The following CTXND1 variants were observed in gnomAD, a reference collection of about 807,000 sequenced individuals.
CTXND1 encodes the protein cortexin domain containing 1, also known as cortexin domain-containing 1 protein.
At chr15:80,247,484 T>A (rs1418243590) in intron 1 of CTXND1, among the ~76,000 whole-genome samples, 1 of 151,858 alleles carries the variant, frequency 6.6e-6, no homozygotes, top group Non-Finnish European at 1.5e-5. Flanking sequence ...TTGCAGGGGT[T>A]GGGTGCTCCT....
At chr15:80,218,688 C>G (rs914492573) in intron 1 of CTXND1, among the ~76,000 whole-genome samples, 4 of 151,802 alleles carry the variant, frequency 2.6e-5, no homozygotes, top group African/African-American at 9.7e-5. Context: ...GAGAGAGTGT[C>G]TGTATATCTA....
intron 1 of CTXND1, among the ~76,000 whole-genome samples, chr15:80,228,539 A>G (rs1893396057): frequency 6.6e-6 from 1 of 152,130 alleles, no homozygotes; most frequent in African/African-American, 2.4e-5. Flanking sequence ...AAAGGGAGCT[A>G]CTGGCCCCAT....
intron 1 of CTXND1, among the ~76,000 whole-genome samples, chr15:80,233,241 T>C (rs1893452877): frequency 6.6e-6 from 1 of 152,174 alleles, no homozygotes; most frequent in African/African-American, 2.4e-5. Flanking sequence ...GCCTGGCCAA[T>C]GCAACTTCTT....
chr15:80,215,421 C>A (rs2142127098), intron 1 of CTXND1, among the ~76,000 whole-genome samples: 1 of 152,288 alleles, frequency 6.6e-6, no homozygotes, highest in East Asian at 1.9e-4. Context: ...TTATTTATGA[C>A]CAAAGAGCCG....
At chr15:80,210,549 T>C (rs1270596863) in intron 1 of CTXND1, among the ~76,000 whole-genome samples, 1 of 152,202 alleles carries the variant, frequency 6.6e-6, no homozygotes, top group Non-Finnish European at 1.5e-5. Context: ...CTGTATTTAA[T>C]GAAATGATGA....
intron 1 of CTXND1, among the ~76,000 whole-genome samples, chr15:80,215,638 G>A (rs1893245182): frequency 6.6e-6 from 1 of 152,088 alleles, no homozygotes; most frequent in Non-Finnish European, 1.5e-5. Flanking sequence ...TAGATTTGTT[G>A]TCTCATATAG....
intron 1 of CTXND1, among the ~76,000 whole-genome samples, chr15:80,220,512 T>TA (rs1328909590): frequency 6.6e-6 from 1 of 152,262 alleles, no homozygotes; most frequent in Non-Finnish European, 1.5e-5. Flanking sequence ...TTGTAGTTTT[T>TA]ATTCCAGAGT....
chr15:80,228,239 C>A (rs1356951660), intron 1 of CTXND1, among the ~76,000 whole-genome samples: 2 of 152,204 alleles, frequency 1.3e-5, no homozygotes, highest in East Asian at 3.8e-4. Flanking sequence ...TCCTCAAAGT[C>A]ATCCATGAGG....
intron 1 of CTXND1, among the ~76,000 whole-genome samples, chr15:80,234,473 G>T (rs541567823): frequency 7.7e-6 from 1 of 129,414 alleles, no homozygotes; most frequent in East Asian, 2.4e-4. Flanking sequence ...ATTTGAACAT[G>T]CCCTTTTTTT....
chr15:80,230,458 G>A (rs1595908278), intron 1 of CTXND1, among the ~76,000 whole-genome samples: 1 of 152,132 alleles, frequency 6.6e-6, no homozygotes, highest in South Asian at 2.1e-4. Flanking sequence ...TTTCTCATTT[G>A]CTTCATCAGT....
At chr15:80,215,350 G>A (rs148636250) in intron 1 of CTXND1, among the ~76,000 whole-genome samples, 99 of 152,310 alleles carry the variant, frequency 6.5e-4, no homozygotes, top group Non-Finnish European at 1.1e-3. Context: ...CCATTGAACA[G>A]CTCAAACTCC....
At chr15:80,243,714 C>G (rs1316217060) in intron 1 of CTXND1, among the ~76,000 whole-genome samples, 1 of 152,196 alleles carries the variant, frequency 6.6e-6, no homozygotes, top group African/African-American at 2.4e-5. Context: ...ATGAGGCAGA[C>G]AGAGTGTGCA....
intron 1 of CTXND1, among the ~76,000 whole-genome samples, chr15:80,204,199 T>TATATATATAC (rs1267164168): frequency 2.4e-3 from 65 of 26,750 alleles, no homozygotes; most frequent in African/African-American, 8.1e-3. Context: ...TATATATATA[T>TATATATATAC]ACACAAACAC....
chr15:80,230,372 T>C (rs190404778), intron 1 of CTXND1, among the ~76,000 whole-genome samples: 15 of 152,304 alleles, frequency 9.8e-5, no homozygotes, highest in African/African-American at 2.9e-4. Flanking sequence ...CACACACTTC[T>C]GTGCTGGGAT....
chr15:80,232,079 G>A (rs904260063), intron 1 of CTXND1, among the ~76,000 whole-genome samples: 2 of 152,128 alleles, frequency 1.3e-5, no homozygotes, highest in African/African-American at 4.8e-5. Flanking sequence ...GACCAGGGAT[G>A]GGCATAAGCG....
At chr15:80,219,223 G>T (rs772164018) in intron 1 of CTXND1, among the ~76,000 whole-genome samples, 1 of 151,876 alleles carries the variant, frequency 6.6e-6, no homozygotes, top group East Asian at 1.9e-4. Flanking sequence ...TGGGATTACA[G>T]GCATAAGCCA....
chr15:80,215,078 T>C (rs551476751), intron 1 of CTXND1, among the ~76,000 whole-genome samples: 1 of 152,236 alleles, frequency 6.6e-6, no homozygotes, highest in Admixed American at 6.5e-5. Context: ...CAAAATGAAA[T>C]AGAAAACCCA....
chr15:80,240,261 C>T (rs2141463495), intron 1 of CTXND1, among the ~76,000 whole-genome samples: 1 of 152,178 alleles, frequency 6.6e-6, no homozygotes, highest in African/African-American at 2.4e-5. Context: ...CACCACACCC[C>T]ACCTATATTA....
At chr15:80,224,465 C>G (rs1893351693) in intron 1 of CTXND1, among the ~76,000 whole-genome samples, 1 of 152,216 alleles carries the variant, frequency 6.6e-6, no homozygotes, top group South Asian at 2.1e-4. Context: ...CTTAATGATT[C>G]TAACTCTATT....
Sources: allele counts gnomAD v4.1 joint callset (sites outside exome capture counted in the v4.1 genomes callset), GRCh38; gene constraint gnomAD v4.1.1; transcripts MANE v1.5; gene names NCBI Gene and HGNC (gene_info 2026-07-23, HGNC 2026-07-21).